Variants in MCCC2 observed in about 807,000 individuals in gnomAD.
MCCC2 encodes methylcrotonoyl-CoA carboxylase beta chain, mitochondrial.
MCCC2 carries 52 observed loss-of-function variants against 77.2 expected under a neutral mutation model. The ratio of observed to expected loss-of-function variants is 0.67; its 90% confidence interval spans 0.54 to 0.85. The LOEUF is 0.85. Among genes scored for constraint, MCCC2 ranks in the 40% least tolerant of loss-of-function variants. The pLI is 0.00. For missense variants in MCCC2, 682 were observed against 703.2 expected, an observed-to-expected ratio of 0.97 and a Z score of 0.34; for synonymous variants, 253 against 248.4, an observed-to-expected ratio of 1.02 and a Z score of -0.18.
chr5:71,653,258 G>A (rs1255762327), intron 16 of MCCC2, among the ~76,000 whole-genome samples: 4 of 152,252 alleles, frequency 2.6e-5, no homozygotes, highest in East Asian at 3.9e-4. Flanking sequence ...TCTGTGTGTC[G>A]GCGCCAAATA....
At chr5:71,625,773 C>T (rs1746511048) in intron 6 of MCCC2, among the ~76,000 whole-genome samples, 1 of 152,186 alleles carries the variant, frequency 6.6e-6, no homozygotes, top group Non-Finnish European at 1.5e-5. Flanking sequence ...AATGCTAACT[C>T]ATGTTACCTT....
chr5:71,612,136 G>A (rs1745978791), intron 6 of MCCC2, among the ~76,000 whole-genome samples: 1 of 152,032 alleles, frequency 6.6e-6, no homozygotes, highest in African/African-American at 2.4e-5. Flanking sequence ...ATGATCTGAA[G>A]TAAATTTTGC....
intron 1 of MCCC2, among the ~76,000 whole-genome samples, chr5:71,590,490 A>T (rs1744930286): frequency 6.6e-6 from 1 of 152,272 alleles, no homozygotes; most frequent in African/African-American, 2.4e-5. Flanking sequence ...TCCTTCTGCC[A>T]TTGATTTCTA....
At chr5:71,643,259 G>A (rs939176165) in intron 11 of MCCC2, among the ~76,000 whole-genome samples, 2 of 152,064 alleles carry the variant, frequency 1.3e-5, no homozygotes, top group African/African-American at 4.8e-5. Flanking sequence ...GTGAGTGTCT[G>A]TAGTCTCAGC....
chr5:71,601,570 G>A (rs550673717), intron 4 of MCCC2, among the ~76,000 whole-genome samples: 2 of 152,214 alleles, frequency 1.3e-5, no homozygotes, highest in African/African-American at 4.8e-5. Context: ...GTCTTGTGGC[G>A]AGCCCTGCTG....
chr5:71,602,694 A>G (rs1464982055), intron 5 of MCCC2, 61 bp downstream of exon 5: 46 of 1,610,528 alleles, frequency 2.9e-5, no homozygotes, highest in Non-Finnish European at 3.5e-5. Context: ...GATAGTTTGG[A>G]AGGCTGTATG....
Position 71,642,248 on chromosome 5 carries a change from G to A in MCCC2, c.1072+1173G>A, listed in dbSNP as rs1301012797. On this transcript the variant is annotated intron_variant, in intron 11 of 16. Transcript: ENST00000340941. ...AGGGAATGAGAGGCTGGTGGTGGGAGTTGGGGGTGGGGGTGGCGGATAAGA... is the reference window on the plus strand; with the variant it reads ...AGGGAATGAGAGGCTGGTGGTGGGAATTGGGGGTGGGGGTGGCGGATAAGA... 2.0e-5 allele frequency among the ~76,000 whole-genome samples: 3 copies of A among 149,794 alleles called. No homozygotes were observed. The East Asian group carries it at 6.0e-4, about 30-fold the overall frequency.
intron 6 of MCCC2, among the ~76,000 whole-genome samples, chr5:71,617,544 A>G (rs575576855): frequency 6.6e-6 from 1 of 152,308 alleles, no homozygotes; most frequent in South Asian, 2.1e-4. Context: ...TTAAAGTTGT[A>G]ATATGATAGA....
At chr5:71,620,679 C>G (rs1405927859) in intron 6 of MCCC2, among the ~76,000 whole-genome samples, 1 of 152,166 alleles carries the variant, frequency 6.6e-6, no homozygotes, top group African/African-American at 2.4e-5. Flanking sequence ...TAATGAAATT[C>G]AATCTAAAGC....
intron 4 of MCCC2, among the ~76,000 whole-genome samples, chr5:71,599,975 G>A (rs2112310207): frequency 6.6e-6 from 1 of 152,252 alleles, no homozygotes; most frequent in South Asian, 2.1e-4. Flanking sequence ...AGATCAGGCT[G>A]GCCAATGTGG....
rs138910668 is a variant in MCCC2 at position 71,599,136 on chromosome 5, G to A, written c.282-523G>A. Reference sequence around the variant, plus strand: ...TAATCCCAGCACTTTGTGAGGCCGAGGTGGGCAGATAACCTTCAGGTAAGG... The same window carrying A: ...TAATCCCAGCACTTTGTGAGGCCGAAGTGGGCAGATAACCTTCAGGTAAGG... On this transcript the variant is annotated intron_variant, in intron 3 of 16. Transcript: ENST00000340941. Among the ~76,000 whole-genome samples, 114 of 152,132 alleles carry A rather than the reference G, an allele frequency of 7.5e-4. 2 individuals carry two copies. In the East Asian group the frequency reaches 0.018, roughly 24 times the overall value.
At chr5:71,648,338 A>G (rs1580331029) in intron 13 of MCCC2, among the ~76,000 whole-genome samples, 1 of 152,144 alleles carries the variant, frequency 6.6e-6, no homozygotes. Flanking sequence ...AGAAAGAGGA[A>G]CCCAAGTTCT....
intron 6 of MCCC2, among the ~76,000 whole-genome samples, chr5:71,607,487 C>T (rs546885315): frequency 6.9e-6 from 1 of 145,420 alleles, no homozygotes; most frequent in South Asian, 2.3e-4. Context: ...ATTAGTCTTG[C>T]TAGCGGTCTA....
chr5:71,654,403 A>C (rs1747527187), intron 16 of MCCC2, among the ~76,000 whole-genome samples: 1 of 152,232 alleles, frequency 6.6e-6, no homozygotes, highest in Non-Finnish European at 1.5e-5. Context: ...AATTAAGAAC[A>C]AAATATTTTA....
intron 3 of MCCC2, among the ~76,000 whole-genome samples, chr5:71,597,575 G>C (rs573634409): frequency 6.6e-6 from 1 of 152,170 alleles, no homozygotes; most frequent in South Asian, 2.1e-4. Flanking sequence ...TGGATGTATT[G>C]TGAAGACAGA....
chr5:71,640,112 A>G (rs925403737), intron 10 of MCCC2, among the ~76,000 whole-genome samples: 3 of 152,178 alleles, frequency 2.0e-5, no homozygotes, highest in South Asian at 4.1e-4. Flanking sequence ...GGGATAAACT[A>G]TTTAGTAATT....
At chr5:71,615,117 C>G (rs954653968) in intron 6 of MCCC2, among the ~76,000 whole-genome samples, 3 of 152,170 alleles carry the variant, frequency 2.0e-5, no homozygotes, top group Non-Finnish European at 4.4e-5. Flanking sequence ...CAGGCATGCA[C>G]CACCATGCCT....
At chr5:71,588,739 G>A (rs1395797118) in intron 1 of MCCC2, among the ~76,000 whole-genome samples, 1 of 152,158 alleles carries the variant, frequency 6.6e-6, no homozygotes, top group Non-Finnish European at 1.5e-5. Context: ...TGGAAGGTAA[G>A]ACTGTATAAA....
intron 6 of MCCC2, among the ~76,000 whole-genome samples, chr5:71,614,247 C>CTA (rs374640315): frequency 6.6e-6 from 1 of 152,044 alleles, no homozygotes; most frequent in Non-Finnish European, 1.5e-5. Flanking sequence ...AGATGTCAGG[C>CTA]TATGTTTCTC....
Sources: allele counts gnomAD v4.1 joint callset (sites outside exome capture counted in the v4.1 genomes callset), GRCh38; gene constraint gnomAD v4.1.1; transcripts MANE v1.5; gene names NCBI Gene and HGNC (gene_info 2026-07-23, HGNC 2026-07-21).